The following COG3 variants were observed in gnomAD, a reference collection of about 807,000 sequenced individuals.
The protein encoded by COG3 is conserved oligomeric Golgi complex subunit 3.
In COG3, 32 loss-of-function variants were observed where a neutral mutation model predicts 114.1. That is an observed-to-expected ratio of 0.28 (90% CI 0.21 to 0.38). The LOEUF (loss-of-function observed/expected upper bound fraction) is 0.38. Ranked by LOEUF, COG3 falls within the 10% of genes least tolerant of loss-of-function variation. COG3 has a pLI of 1.00. For missense variants in COG3, 813 were observed against 973.2 expected, an observed-to-expected ratio of 0.84 and a Z score of 2.19; for synonymous variants, 352 against 365.7, an observed-to-expected ratio of 0.96 and a Z score of 0.43.
chr13:45,491,359 A>G, intron 9 of COG3, 53 bp from the exon 10 acceptor site: 6 of 1,568,362 alleles, frequency 3.8e-6, no homozygotes, highest in Admixed American at 1.9e-5. Flanking sequence ...TTAAGATGAA[A>G]TTTAGTTTAC....
chr13:45,483,151 G>A (rs12583793), intron 6 of COG3, 79 bp from the exon 7 acceptor site: 71,591 of 1,005,656 alleles, frequency 0.071, 2,974 homozygotes, highest in African/African-American at 0.15. Context: ...TTTACATAGG[G>A]ACACCTTGGT....
At chr13:45,468,344 A>T (rs1885273488) in intron 1 of COG3, among the ~76,000 whole-genome samples, 1 of 152,184 alleles carries the variant, frequency 6.6e-6, no homozygotes, top group Non-Finnish European at 1.5e-5. Flanking sequence ...GTGGCAAGTT[A>T]CTTGCTATTA....
chr13:45,504,187 A>G (rs1467776241), intron 14 of COG3, among the ~76,000 whole-genome samples: 1 of 152,198 alleles, frequency 6.6e-6, no homozygotes, highest in East Asian at 1.9e-4. Flanking sequence ...CAAGATCCCC[A>G]GGTGAAGGGC....
intron 1 of COG3, chr13:45,466,757 A>G (rs972729997): frequency 4.6e-5 from 7 of 152,220 alleles, no homozygotes; most frequent in Admixed American, 4.6e-4. Context: ...CATGGGTCAT[A>G]AACTATTATT....
At chr13:45,520,016 C>T (rs1242789716) in intron 19 of COG3, among the ~76,000 whole-genome samples, 1 of 152,166 alleles carries the variant, frequency 6.6e-6, no homozygotes, top group African/African-American at 2.4e-5. Flanking sequence ...TGTTGGCTCA[C>T]ACCTATAATC....
intron 22 of COG3, among the ~76,000 whole-genome samples, chr13:45,531,505 T>G (rs1438563123): frequency 2.3e-4 from 4 of 17,078 alleles, no homozygotes; most frequent in African/African-American, 4.1e-4. Context: ...AAATCTTGTG[T>G]TTTTGTTTTG....
In COG3 at chr13:45,519,147, T is replaced by A. The variant is rs575207161; in HGVS notation, c.2154+53T>A. 39 of 1,596,306 alleles carry A rather than the reference T, an allele frequency of 2.4e-5. 1 individual carries two copies. The East Asian group carries it at 4.9e-4, about 20-fold the overall frequency. ...AGTCATTTTGCATTCTTCCTTAGAT[T>A]TCCTTTTGAATTACTCTCTTGTGTA... is the stretch of plus-strand genomic sequence containing the variant. On this transcript the variant is annotated intron_variant, in intron 19 of 22. Coordinates refer to ENST00000349995, the MANE Select transcript of COG3 (RefSeq NM_031431.4).
chr13:45,481,915 AT>A (rs761835184), intron 5 of COG3, among the ~76,000 whole-genome samples: 119 of 152,274 alleles, frequency 7.8e-4, no homozygotes, highest in Non-Finnish European at 1.1e-3. Flanking sequence ...TTGCCAAGCT[AT>A]TTGTATATCA....
Position 45,516,156 on chromosome 13 carries a change from GACA to G in COG3, c.1826_1828del (p.Gln609del). 1 of 1,568,438 alleles carries G rather than the reference GACA, an allele frequency of 6.4e-7. No homozygotes were observed. The highest frequency in any genetic ancestry group is 8.7e-7 in the Non-Finnish European group (1 of 1,149,260). On this transcript the variant is annotated inframe_deletion, in exon 17 of 23. Transcript: ENST00000349995. ...CTTATAATTTAGACTCAGATTGATGGACAACTTTTCTTAATTAAGCACCTTTTG... is the reference window on the plus strand; with the variant it reads ...CTTATAATTTAGACTCAGATTGATGGACTTTTCTTAATTAAGCACCTTTTG...
At chr13:45,526,419 CTTGAAG>C (rs1365617975) in intron 20 of COG3, among the ~76,000 whole-genome samples, 4 of 151,960 alleles carry the variant, frequency 2.6e-5, no homozygotes, top group South Asian at 4.1e-4. Context: ...CTTAGGTTAA[CTTGAAG>C]TTGAACTGAG....
intron 3 of COG3, among the ~76,000 whole-genome samples, chr13:45,479,639 A>G (rs543101644): frequency 1.8e-4 from 27 of 152,350 alleles, no homozygotes; most frequent in African/African-American, 6.3e-4. Context: ...CTTATTTTAC[A>G]AATGAGCAAC....
chr13:45,499,439 C>G (rs957358663), intron 13 of COG3, among the ~76,000 whole-genome samples: 5 of 152,178 alleles, frequency 3.3e-5, no homozygotes, highest in Non-Finnish European at 5.9e-5. Context: ...TTTCAAATCT[C>G]TTTAGAGATT....
intron 13 of COG3, among the ~76,000 whole-genome samples, chr13:45,500,012 T>C (rs1869276060): frequency 6.7e-6 from 1 of 149,888 alleles, no homozygotes; most frequent in Admixed American, 6.7e-5. Flanking sequence ...AGTGAGACAC[T>C]GCCTTAAAAA....
intron 19 of COG3, among the ~76,000 whole-genome samples, chr13:45,520,291 AAAAAT>A (rs796279436): frequency 0.039 from 3,220 of 82,856 alleles, 96 homozygotes; most frequent in African/African-American, 0.13. Flanking sequence ...GTCTCAAAAA[AAAAAT>A]AAAAATAAAA....
intron 3 of COG3, 69 bp downstream of exon 3, chr13:45,479,135 A>G (rs751692850): frequency 1.8e-6 from 2 of 1,114,078 alleles, no homozygotes; most frequent in Non-Finnish European, 2.6e-6. Flanking sequence ...GCATTTCATA[A>G]TCAGTGTCTT....
chr13:45,492,315 A>G (rs1396107356), intron 11 of COG3, 65 bp downstream of exon 11: 3 of 838,278 alleles, frequency 3.6e-6, no homozygotes, highest in Non-Finnish European at 5.8e-6. Context: ...ATAATGAATC[A>G]GTATATTATA....
chr13:45,523,067 G>A (rs1310857427), intron 19 of COG3, among the ~76,000 whole-genome samples: 1 of 152,042 alleles, frequency 6.6e-6, no homozygotes, highest in African/African-American at 2.4e-5. Context: ...AATTTGAGGT[G>A]AAGATTTTGC....
At chr13:45,527,713 G>A (rs948203786) in intron 20 of COG3, among the ~76,000 whole-genome samples, 3 of 152,088 alleles carry the variant, frequency 2.0e-5, no homozygotes, top group Non-Finnish European at 4.4e-5. Flanking sequence ...GGACACTTTA[G>A]TCACCAGCCT....
chr13:45,471,558 G>A (rs1363578182), intron 1 of COG3, among the ~76,000 whole-genome samples: 3 of 152,092 alleles, frequency 2.0e-5, no homozygotes, highest in Non-Finnish European at 4.4e-5. Flanking sequence ...CTTGCTGAGT[G>A]ATTTAAAAAA....
Sources: gnomAD v4.1 joint callset for allele counts (sites outside exome capture counted in the v4.1 genomes callset) on GRCh38, gnomAD v4.1.1 for gene constraint, MANE v1.5 for transcripts, NCBI Gene and HGNC (gene_info 2026-07-23, HGNC 2026-07-21) for gene names.